CAMTA1: variants seen among roughly 807,000 people sequenced by gnomAD.
The protein encoded by CAMTA1 is calmodulin-binding transcription activator 1.
Under a neutral mutation model 170.9 loss-of-function variants are expected in CAMTA1, and 27 were observed. That is an observed-to-expected ratio of 0.16 (90% confidence interval 0.12 to 0.22). The LOEUF (loss-of-function observed/expected upper bound fraction) is 0.22, where lower values mean the gene tolerates loss of function less well. CAMTA1 is among the 10% of genes least tolerant of loss of function. The pLI, the probability that CAMTA1 is intolerant of heterozygous loss-of-function variation, is 1.00. For missense variants in CAMTA1, 1,619 were observed against 2,217.2 expected, an observed-to-expected ratio of 0.73 and a Z score of 5.42; for synonymous variants, 833 against 891.5, an observed-to-expected ratio of 0.93 and a Z score of 1.17.
At chr1:7,380,631 C>T (rs980192500) in intron 5 of CAMTA1, among the ~76,000 whole-genome samples, 4 of 152,172 alleles carry the variant, frequency 2.6e-5, no homozygotes, top group Non-Finnish European at 4.4e-5. Flanking sequence ...CCACTTCTGG[C>T]CACTCTTCCT....
At chr1:7,237,207 A>G (rs1385979135) in intron 4 of CAMTA1, among the ~76,000 whole-genome samples, 1 of 152,232 alleles carries the variant, frequency 6.6e-6, no homozygotes, top group African/African-American at 2.4e-5. Context: ...GGGAACTGGG[A>G]CATCATCTGT....
chr1:7,237,930 C>T (rs1664181953), intron 4 of CAMTA1, among the ~76,000 whole-genome samples: 2 of 152,348 alleles, frequency 1.3e-5, no homozygotes, highest in South Asian at 4.1e-4. Context: ...TACACACATC[C>T]TATTCACTAA....
intron 6 of CAMTA1, among the ~76,000 whole-genome samples, chr1:7,620,433 G>T (rs2095590065): frequency 6.6e-6 from 1 of 152,214 alleles, no homozygotes; most frequent in Admixed American, 6.5e-5. Flanking sequence ...AAGGGAGAGA[G>T]GAGGTGGCTT....
intron 7 of CAMTA1, among the ~76,000 whole-genome samples, chr1:7,648,592 C>T (rs1037494831): frequency 6.6e-6 from 1 of 152,164 alleles, no homozygotes; most frequent in Non-Finnish European, 1.5e-5. Flanking sequence ...GCAGAGACTT[C>T]TGGGATAGGA....
chr1:7,114,654 A>G (rs549850116), intron 4 of CAMTA1, among the ~76,000 whole-genome samples: 1 of 152,380 alleles, frequency 6.6e-6, no homozygotes, highest in Non-Finnish European at 1.5e-5. Flanking sequence ...ATCTGCAGTC[A>G]GCAAGGTGGA....
At chr1:7,687,119 G>A (rs746181452) in intron 11 of CAMTA1, among the ~76,000 whole-genome samples, 1 of 151,806 alleles carries the variant, frequency 6.6e-6, no homozygotes, top group Non-Finnish European at 1.5e-5. Context: ...GGCGTTTAGC[G>A]CCCTAGGTCT....
intron 1 of CAMTA1, among the ~76,000 whole-genome samples, chr1:6,789,365 A>T (rs61309180): frequency 5.3e-5 from 8 of 152,120 alleles, no homozygotes; most frequent in Non-Finnish European, 2.9e-5. Flanking sequence ...TTTATGCTGG[A>T]TGTCCGCCCA....
intron 5 of CAMTA1, among the ~76,000 whole-genome samples, chr1:7,310,126 C>G (rs1676234011): frequency 6.6e-6 from 1 of 152,178 alleles, no homozygotes; most frequent in Non-Finnish European, 1.5e-5. Flanking sequence ...GCAACTAATT[C>G]TCTTAGTTTT....
intron 3 of CAMTA1, among the ~76,000 whole-genome samples, chr1:7,025,822 T>C (rs1052656293): frequency 1.6e-4 from 24 of 152,126 alleles, no homozygotes; most frequent in Admixed American, 1.4e-3. Flanking sequence ...GAGTAATTAA[T>C]ATTTGGCCAA....
Position 7,047,145 on chromosome 1 carries a change from A to G in CAMTA1, c.235-44159A>G, listed in dbSNP as rs368362542. ...CTCCAGCAGCCTGGATCCCTGAGTG[A>G]CTACATGGAGTGGAGTCTCCTCCCC... On this transcript the variant is annotated intron_variant, in intron 3 of 22. Transcript: ENST00000303635. Among the ~76,000 whole-genome samples, 28 of 152,334 alleles carry G rather than the reference A, an allele frequency of 1.8e-4. No homozygotes were observed. The East Asian group carries it at 3.7e-3, about 20-fold the overall frequency.
intron 4 of CAMTA1, among the ~76,000 whole-genome samples, chr1:7,215,787 TAGACTGTGATCAGAA>T (rs1277528433): frequency 2.6e-5 from 4 of 152,240 alleles, no homozygotes; most frequent in African/African-American, 9.6e-5. Flanking sequence ...CCAGTTTTAT[TAGACTGTGATCAGAA>T]AATATTTCTT....
chr1:7,038,892 T>C (rs963788335), intron 3 of CAMTA1, among the ~76,000 whole-genome samples: 3 of 151,890 alleles, frequency 2.0e-5, no homozygotes, highest in Non-Finnish European at 4.4e-5. Context: ...ATACAAAAAT[T>C]AGCCGGTCAT....
chr1:7,212,094 A>T (rs915619654), intron 4 of CAMTA1, among the ~76,000 whole-genome samples: 1 of 152,224 alleles, frequency 6.6e-6, no homozygotes, highest in African/African-American at 2.4e-5. Context: ...CTATAGTTCA[A>T]TGTTTGTTTA....
intron 5 of CAMTA1, among the ~76,000 whole-genome samples, chr1:7,347,506 G>T (rs115073422): frequency 0.016 from 2,456 of 152,316 alleles, 75 homozygotes; most frequent in African/African-American, 0.057. Flanking sequence ...CGTTCTCCTC[G>T]CTTGCAGGGA....
chr1:7,526,673 T>G (rs938629158), intron 6 of CAMTA1, among the ~76,000 whole-genome samples: 4 of 152,186 alleles, frequency 2.6e-5, no homozygotes, highest in African/African-American at 9.7e-5. Flanking sequence ...CAGGCCTGGC[T>G]GAGGGGCGAG....
intron 4 of CAMTA1, among the ~76,000 whole-genome samples, chr1:7,161,995 T>G (rs1647292633): frequency 6.6e-6 from 1 of 152,146 alleles, no homozygotes; most frequent in African/African-American, 2.4e-5. Flanking sequence ...TGAGAATATC[T>G]GAACTCAAAC....
At chr1:6,973,578 A>G (rs1001247807) in intron 3 of CAMTA1, among the ~76,000 whole-genome samples, 2 of 152,230 alleles carry the variant, frequency 1.3e-5, no homozygotes, top group Non-Finnish European at 2.9e-5. Context: ...ATAGTGCTGC[A>G]GTGGGCACGG....
intron 4 of CAMTA1, among the ~76,000 whole-genome samples, chr1:7,165,325 T>G (rs898844279): frequency 6.6e-6 from 1 of 152,218 alleles, no homozygotes; most frequent in Non-Finnish European, 1.5e-5. Context: ...TTTGCCCCAT[T>G]TAATTTGATT....
At chr1:7,645,088 C>A (rs966428163) in intron 7 of CAMTA1, among the ~76,000 whole-genome samples, 8 of 152,190 alleles carry the variant, frequency 5.3e-5, no homozygotes, top group East Asian at 1.9e-4. Flanking sequence ...ACCCAGTAAA[C>A]CCCCATAGTG....
Sources: gnomAD v4.1 joint callset for allele counts (sites outside exome capture counted in the v4.1 genomes callset) on GRCh38, gnomAD v4.1.1 for gene constraint, MANE v1.5 for transcripts, NCBI Gene and HGNC (gene_info 2026-07-23, HGNC 2026-07-21) for gene names.